LNP1: variants seen among roughly 807,000 people sequenced by gnomAD.
LNP1 encodes the protein leukemia NUP98 fusion partner 1.
Under a neutral mutation model 14.5 loss-of-function variants are expected in LNP1, and 12 were observed. The observed-to-expected ratio is 0.83, with a 90% CI of 0.53 to 1.34. The LOEUF is 1.34. LNP1 is among the 40% of genes most tolerant of loss of function. The pLI is 0.00. For synonymous variants in LNP1, 75 were observed against 71.4 expected (o/e 1.05, Z -0.26); for missense variants, 198 against 210.9 (o/e 0.94, Z 0.38).
intron 2 of LNP1, among the ~76,000 whole-genome samples, chr3:100,444,063 C>T (rs1306269495): frequency 6.6e-6 from 1 of 152,210 alleles, no homozygotes; most frequent in Admixed American, 6.5e-5. Context: ...GAGTTAATTC[C>T]TGCTCTGCTT....
chr3:100,446,655 G>T (rs1707391241), intron 2 of LNP1, among the ~76,000 whole-genome samples: 1 of 152,184 alleles, frequency 6.6e-6, no homozygotes, highest in Non-Finnish European at 1.5e-5. Flanking sequence ...CCATCAGAGT[G>T]AAGAGGCAAC....
Position 100,408,948 on chromosome 3 carries a change from A to G in LNP1, c.-34+6509A>G, listed in dbSNP as rs1032854600. 2.0e-5 allele frequency among the ~76,000 whole-genome samples: 3 copies of G among 152,290 alleles called. 1 individual carries two copies. Among genetic ancestry groups the G allele is most frequent in the African/African-American group, 7.2e-5 (3 of 41,544 alleles). ...TCCTTAGCTCTCGTGAAGGTATTTTATACATAGATAGTTGTTCAAATTCAT... is the reference window on the plus strand; with the variant it reads ...TCCTTAGCTCTCGTGAAGGTATTTTGTACATAGATAGTTGTTCAAATTCAT... On this transcript the variant is annotated intron_variant, in intron 1 of 3. Transcript: ENST00000383693.
At chr3:100,419,334 G>C (rs1418716266) in intron 1 of LNP1, among the ~76,000 whole-genome samples, 1 of 152,074 alleles carries the variant, frequency 6.6e-6, no homozygotes, top group Non-Finnish European at 1.5e-5. Flanking sequence ...ATAATGACAA[G>C]AAGTTGCAAA....
intron 1 of LNP1, among the ~76,000 whole-genome samples, chr3:100,413,553 A>T (rs1707050462): frequency 6.6e-6 from 1 of 152,180 alleles, no homozygotes; most frequent in Admixed American, 6.5e-5. Context: ...AGATCTTTCC[A>T]TCTTCATCAG....
chr3:100,441,912 G>T (rs567063446), intron 2 of LNP1, among the ~76,000 whole-genome samples: 2 of 151,892 alleles, frequency 1.3e-5, no homozygotes, highest in Non-Finnish European at 2.9e-5. Context: ...TGATCCACTC[G>T]CCTCGGCCTC....
chr3:100,435,658 G>T (rs1707287317), intron 2 of LNP1, among the ~76,000 whole-genome samples: 1 of 152,170 alleles, frequency 6.6e-6, no homozygotes, highest in African/African-American at 2.4e-5. Context: ...CACTTCAAAG[G>T]AGGAGGGGTA....
intron 1 of LNP1, among the ~76,000 whole-genome samples, chr3:100,424,381 T>C (rs1707173194): frequency 6.6e-6 from 1 of 152,212 alleles, no homozygotes; most frequent in African/African-American, 2.4e-5. Flanking sequence ...AAGATAAAAG[T>C]TGCATAGGGA....
intron 1 of LNP1, among the ~76,000 whole-genome samples, chr3:100,426,349 G>T (rs1001280333): frequency 7.3e-4 from 111 of 152,188 alleles, no homozygotes; most frequent in African/African-American, 2.6e-3. Flanking sequence ...ATCAAGCTTA[G>T]CATAAGCTCC....
intron 1 of LNP1, among the ~76,000 whole-genome samples, chr3:100,408,121 G>C (rs1253016513): frequency 6.6e-6 from 1 of 152,234 alleles, no homozygotes; most frequent in Non-Finnish European, 1.5e-5. Context: ...TATTTTGTCT[G>C]TTTAGTGATG....
At chr3:100,405,523 G>T (rs1452789191) in intron 1 of LNP1, among the ~76,000 whole-genome samples, 2 of 152,152 alleles carry the variant, frequency 1.3e-5, no homozygotes, top group Non-Finnish European at 2.9e-5. Flanking sequence ...GTCAAATTCT[G>T]TAAGAGCCCT....
intron 1 of LNP1, among the ~76,000 whole-genome samples, chr3:100,409,555 CAT>C (rs1458450101): frequency 9.6e-6 from 1 of 104,646 alleles, no homozygotes; most frequent in African/African-American, 3.7e-5. Flanking sequence ...TATATATATA[CAT>C]ACACACACAC....
intron 2 of LNP1, among the ~76,000 whole-genome samples, chr3:100,445,602 T>C (rs938349716): frequency 6.6e-6 from 1 of 152,234 alleles, no homozygotes; most frequent in Admixed American, 6.5e-5. Context: ...AAAACATTTT[T>C]AATCTCAGTT....
At chr3:100,418,266 C>A (rs1707107873) in intron 1 of LNP1, among the ~76,000 whole-genome samples, 1 of 151,452 alleles carries the variant, frequency 6.6e-6, no homozygotes, top group African/African-American at 2.4e-5. Flanking sequence ...CGATGTTGGC[C>A]AGGCTGGTTT....
Position 100,417,371 on chromosome 3 carries a change from C to CTTTTTTTTTTTTTTTTTTTT in LNP1, c.-33-12323_-33-12304dup, listed in dbSNP as rs562000656. Among the ~76,000 whole-genome samples the CTTTTTTTTTTTTTTTTTTTT allele has an allele frequency of 3.5e-3, 225 of 64,608 alleles. 8 individuals carry two copies. Among genetic ancestry groups the CTTTTTTTTTTTTTTTTTTTT allele is most frequent in the African/African-American group, 3.8e-3 (67 of 17,422 alleles). The allele number at this position is 64,608 out of a possible 152,430, so 42.4% of individuals were successfully genotyped here. Reference sequence around the variant, plus strand: ...CTTTTTCTTTCTTTCTTTCTTTTTTCTTTTTTTTTTTTTTTTTTTTTTCGA... The same window carrying CTTTTTTTTTTTTTTTTTTTT: ...CTTTTTCTTTCTTTCTTTCTTTTTTCTTTTTTTTTTTTTTTTTTTTTTTTTTTTTTTTTTTTTTTTTTCGA... On this transcript the variant is annotated intron_variant, in intron 1 of 3. Transcript: ENST00000383693.
At chr3:100,404,055 T>G (rs1559838078) in intron 1 of LNP1, among the ~76,000 whole-genome samples, 1 of 152,238 alleles carries the variant, frequency 6.6e-6, no homozygotes, top group Non-Finnish European at 1.5e-5. Context: ...CTGTTTTTCC[T>G]TACTGAAAAA....
chr3:100,429,484 G>C (rs1259234142), intron 1 of LNP1, among the ~76,000 whole-genome samples: 1 of 152,232 alleles, frequency 6.6e-6, no homozygotes, highest in African/African-American at 2.4e-5. Context: ...AATTTAAAAA[G>C]ACAAGGGGAG....
rs753420789 is a variant in LNP1, at chr3:100,429,811, G to A, written c.82G>A (p.Glu28Lys). ...CTTCTGGGGCCACAGCTGGAGAGAG[G>A]AGGATCAGAGAGGACTCCGGGAACG... Reference protein sequence around the residue: ...SSFWGHSWREEDQRGLRERHR... With the variant: ...SSFWGHSWREKDQRGLRERHR... Residue 28 changes from glutamate (E) to lysine (K), a missense_variant, in exon 2 of 4, where the codon GAG becomes AAG. Glu to Lys is a moderately conservative substitution (Grantham distance 56). Coordinates refer to ENST00000383693, the MANE Select transcript of LNP1 (RefSeq NM_001085451.2). The A allele has an allele frequency of 1.9e-5, 31 of 1,613,876 alleles. 1 individual carries two copies. The South Asian group carries it at 3.3e-4, about 17-fold the overall frequency.
intron 2 of LNP1, among the ~76,000 whole-genome samples, chr3:100,437,180 A>G (rs574050866): frequency 3.9e-5 from 6 of 152,224 alleles, no homozygotes; most frequent in Non-Finnish European, 8.8e-5. Context: ...ATTATTATAC[A>G]TGACCTAATT....
chr3:100,434,783 C>T (rs1707277623), intron 2 of LNP1, among the ~76,000 whole-genome samples: 1 of 151,018 alleles, frequency 6.6e-6, no homozygotes, highest in South Asian at 2.1e-4. Flanking sequence ...CCCACCTCGG[C>T]CTCCCAAAGT....
Sources: gnomAD v4.1 joint callset for allele counts (sites outside exome capture counted in the v4.1 genomes callset) on GRCh38, gnomAD v4.1.1 for gene constraint, MANE v1.5 for transcripts, NCBI Gene and HGNC (gene_info 2026-07-23, HGNC 2026-07-21) for gene names.